The following BNC2 variants were observed in gnomAD, a reference collection of about 807,000 sequenced individuals.
BNC2 encodes the protein basonuclin zinc finger protein 2.
In BNC2, 20 loss-of-function variants were observed where a neutral mutation model predicts 76.3. The ratio of observed to expected loss-of-function variants is 0.26; its 90% confidence interval spans 0.18 to 0.38. The LOEUF is 0.38. Ranked by LOEUF, BNC2 falls within the 10% of genes least tolerant of loss-of-function variation. BNC2 has a pLI of 1.00. For missense variants in BNC2, 1,382 were observed against 1,399.8 expected (o/e 0.99, Z 0.20); for synonymous variants, 582 against 514.8 (o/e 1.13, Z -1.77).
intron 3 of BNC2, among the ~76,000 whole-genome samples, chr9:16,595,608 G>A (rs1453896205): frequency 2.6e-5 from 4 of 151,840 alleles, no homozygotes; most frequent in Non-Finnish European, 5.9e-5. Flanking sequence ...AAATTCAAAG[G>A]GCTAAATTCA....
intron 3 of BNC2, among the ~76,000 whole-genome samples, chr9:16,714,149 G>A (rs1266511496): frequency 2.0e-5 from 3 of 152,156 alleles, no homozygotes; most frequent in Non-Finnish European, 4.4e-5. Flanking sequence ...CACCCACTTC[G>A]TCTGTGTTAC....
chr9:16,464,717 T>G (rs1413281497), intron 5 of BNC2, among the ~76,000 whole-genome samples: 11 of 152,182 alleles, frequency 7.2e-5, no homozygotes, highest in African/African-American at 2.7e-4. Flanking sequence ...CCACCACGCC[T>G]GGCTAATTTT....
At chr9:16,432,019 G>C (rs1026629745) in intron 6 of BNC2, among the ~76,000 whole-genome samples, 5 of 152,184 alleles carry the variant, frequency 3.3e-5, no homozygotes, top group Admixed American at 2.0e-4. Context: ...CCCTGCTTTA[G>C]AGCATCAGAG....
At chr9:16,751,181 A>C (rs1563926673) in intron 1 of BNC2, among the ~76,000 whole-genome samples, 1 of 152,122 alleles carries the variant, frequency 6.6e-6, no homozygotes, top group Non-Finnish European at 1.5e-5. Context: ...CTAAAAAAAA[A>C]CTACAAAACT....
intron 1 of BNC2, among the ~76,000 whole-genome samples, chr9:16,846,113 G>A (rs10962638): frequency 0.11 from 15,691 of 148,934 alleles, 1,067 homozygotes; most frequent in Non-Finnish European, 0.16. Flanking sequence ...GCACTCCAAC[G>A]TGGGAGACAG....
Position 16,436,550 on chromosome 9 carries a change from A to G in BNC2, c.1644T>C (p.Pro548=), listed in dbSNP as rs1270564996. ...GGCTAGGGAGAGGATTTTGCAAGAC[A>G]GGGTCTAGAGGGGGAGTGGTAAAAC... ...PMGFTTPPLD[P]VLQNPLPSQL... The change falls in exon 6 of 7, where the codon CCT becomes CCC. Residue 548 remains proline (P), a synonymous_variant. Transcript: ENST00000380672. The G allele has an allele frequency of 1.2e-6, 2 of 1,614,132 alleles. No individual in the cohort carries two copies. Among genetic ancestry groups the G allele is most frequent in the Non-Finnish European group, 1.7e-6 (2 of 1,180,038 alleles).
intron 4 of BNC2, among the ~76,000 whole-genome samples, chr9:16,560,085 T>C (rs1818963352): frequency 6.6e-6 from 1 of 152,194 alleles, no homozygotes; most frequent in Non-Finnish European, 1.5e-5. Context: ...CAGAATCAAG[T>C]GGAGGACCTG....
chr9:16,570,694 CAT>C (rs2132840402), intron 4 of BNC2, among the ~76,000 whole-genome samples: 1 of 152,232 alleles, frequency 6.6e-6, no homozygotes, highest in Non-Finnish European at 1.5e-5. Context: ...ATGTGATCAA[CAT>C]ATCATTGAGC....
At chr9:16,481,436 C>G (rs924141126) in intron 5 of BNC2, among the ~76,000 whole-genome samples, 7 of 152,156 alleles carry the variant, frequency 4.6e-5, no homozygotes, top group Non-Finnish European at 8.8e-5. Flanking sequence ...CCACGAAGGT[C>G]TGCAACTTCA....
At chr9:16,800,857 G>A (rs1393207337) in intron 1 of BNC2, among the ~76,000 whole-genome samples, 1 of 152,014 alleles carries the variant, frequency 6.6e-6, no homozygotes, top group Non-Finnish European at 1.5e-5. Flanking sequence ...TTCTAAGATA[G>A]TTGTCTTTCT....
rs140700868 is a variant in BNC2, at chr9:16,686,833, C to T, written c.330+40964G>A. Among the ~76,000 whole-genome samples, 265 of 152,292 alleles carry T rather than the reference C, an allele frequency of 1.7e-3. 2 individuals are homozygous for T. The highest frequency in any genetic ancestry group is 0.017 in the Middle Eastern group (5 of 294). On this transcript the variant is annotated intron_variant, in intron 3 of 6. Transcript: ENST00000380672. ...AAAAATAAAAGGTACTCGGTCAACG[C>T]TTCAAACATTTTTAGGTCCAGTTCT...
Position 16,803,992 on chromosome 9 carries a change from A to G in BNC2, c.4-65507T>C, listed in dbSNP as rs115119864. On this transcript the variant is annotated intron_variant, in intron 1 of 6. Coordinates refer to ENST00000380672, the MANE Select transcript of BNC2 (RefSeq NM_017637.6). ...AAGGTGCAGCTTTACCCAGGCTAACAGTTTTTGTATAACAATGAGCCTAAA... is the reference window on the plus strand; with the variant it reads ...AAGGTGCAGCTTTACCCAGGCTAACGGTTTTTGTATAACAATGAGCCTAAA... Among the ~76,000 whole-genome samples the G allele has an allele frequency of 5.5e-3, 836 of 152,344 alleles. 16 individuals carry two copies. Among genetic ancestry groups the G allele is most frequent in the African/African-American group, 0.019 (801 of 41,588 alleles).
intron 3 of BNC2, among the ~76,000 whole-genome samples, chr9:16,605,551 C>T (rs927481153): frequency 6.6e-6 from 1 of 152,182 alleles, no homozygotes; most frequent in African/African-American, 2.4e-5. Context: ...AGTCCCATGA[C>T]TACTGTTAAG....
chr9:16,822,229 G>C (rs573171496), intron 1 of BNC2, among the ~76,000 whole-genome samples: 25 of 151,892 alleles, frequency 1.6e-4, no homozygotes, highest in African/African-American at 4.8e-4. Flanking sequence ...TATAACAACA[G>C]TAATTATTAA....
chr9:16,761,684 A>G (rs1182380689), intron 1 of BNC2, among the ~76,000 whole-genome samples: 5 of 152,234 alleles, frequency 3.3e-5, no homozygotes, highest in African/African-American at 1.2e-4. Context: ...GGATGTCTTT[A>G]CCAATTTATA....
At chr9:16,648,894 G>C (rs1821714411) in intron 3 of BNC2, among the ~76,000 whole-genome samples, 1 of 152,170 alleles carries the variant, frequency 6.6e-6, no homozygotes, top group Non-Finnish European at 1.5e-5. Flanking sequence ...CAGTGAACAA[G>C]TATGAGGTAC....
intron 3 of BNC2, among the ~76,000 whole-genome samples, chr9:16,709,211 G>A (rs181594067): frequency 1.0e-3 from 159 of 152,180 alleles, no homozygotes; most frequent in South Asian, 8.9e-3. Flanking sequence ...AGTGGGGAGG[G>A]GAACTCCTGG....
chr9:16,436,076 CCTT>C lies in BNC2; in HGVS notation c.2115_2117del (p.Ile705_Arg706delinsMet). The stretch of plus-strand genomic sequence containing the variant: ...CTTCAGAAGTCATGCTGTCGGCCCT[CCTT>C]ATTTCAGTCCTTGAAATGCACCGGG... On this transcript the variant is annotated inframe_deletion, in exon 6 of 7. Transcript: ENST00000380672. 1 of 1,614,134 alleles carries C rather than the reference CCTT, an allele frequency of 6.2e-7. No individual in the cohort carries two copies. The highest frequency in any genetic ancestry group is 8.5e-7 in the Non-Finnish European group (1 of 1,180,032).
intron 3 of BNC2, among the ~76,000 whole-genome samples, chr9:16,690,638 A>G (rs964473438): frequency 6.6e-6 from 1 of 152,226 alleles, no homozygotes; most frequent in Non-Finnish European, 1.5e-5. Flanking sequence ...AGTTGTATCA[A>G]TAGGAACATG....
Sources: allele counts gnomAD v4.1 joint callset (sites outside exome capture counted in the v4.1 genomes callset), GRCh38; gene constraint gnomAD v4.1.1; transcripts MANE v1.5; gene names NCBI Gene and HGNC (gene_info 2026-07-23, HGNC 2026-07-21).